Variants in YAE1 observed in about 807,000 individuals in gnomAD.
The protein encoded by YAE1 is YAE1 maturation factor of ABCE1.
In YAE1, 22 loss-of-function variants were observed where a neutral mutation model predicts 23.0. The observed-to-expected ratio is 0.96, with a 90% CI of 0.68 to 1.37. The LOEUF (loss-of-function observed/expected upper bound fraction) is 1.37, where lower values mean the gene tolerates loss of function less well. YAE1 is among the 40% of genes most tolerant of loss of function. The pLI, the probability that YAE1 is intolerant of heterozygous loss-of-function variation, is 0.00. For missense variants in YAE1, 260 were observed against 262.1 expected, an observed-to-expected ratio of 0.99 and a Z score of 0.06; for synonymous variants, 101 against 97.0, an observed-to-expected ratio of 1.04 and a Z score of -0.24.
At chr7:39,609,998 A>C (rs771257041) in exon 3 of YAE1, 8 of 1,513,368 alleles carry the variant, frequency 5.3e-6, no homozygotes, top group Non-Finnish European at 7.1e-6. Flanking sequence ...AGTTGTTCTT[A>C]ATCAGAGGGC....
intron 1 of YAE1, chr7:39,569,283 T>G (rs144633439): frequency 1.1e-5 from 3 of 264,452 alleles, no homozygotes; most frequent in South Asian, 4.9e-5. Flanking sequence ...CTGAATGCTG[T>G]AATATACAAG....
chr7:39,568,304 G>A (rs1790508612), intron 1 of YAE1, among the ~76,000 whole-genome samples: 1 of 151,744 alleles, frequency 6.6e-6, no homozygotes, highest in South Asian at 2.1e-4. Context: ...AAGCATTACA[G>A]ACTGTAAAAT....
intron 2 of YAE1, among the ~76,000 whole-genome samples, chr7:39,597,880 T>C (rs1790999591): frequency 6.6e-6 from 1 of 152,202 alleles, no homozygotes; most frequent in Non-Finnish European, 1.5e-5. Context: ...GCATGTTCTG[T>C]GGAGGAAATT....
intron 2 of YAE1, among the ~76,000 whole-genome samples, chr7:39,595,055 G>A (rs530297850): frequency 6.6e-6 from 1 of 152,130 alleles, no homozygotes; most frequent in East Asian, 1.9e-4. Context: ...TTTTTGAAAG[G>A]AGGACTATGT....
intron 2 of YAE1, among the ~76,000 whole-genome samples, chr7:39,603,213 G>A (rs962510187): frequency 2.0e-5 from 3 of 152,020 alleles, no homozygotes; most frequent in South Asian, 2.1e-4. Context: ...GCAGTGGCGC[G>A]ATCTCGGCTC....
chr7:39,609,690 C>A, exon 3 of YAE1: 1 of 1,535,694 alleles, frequency 6.5e-7, no homozygotes, highest in African/African-American at 1.4e-5. Context: ...GCAACTACTG[C>A]CGCGTCCCCT....
At chr7:39,576,521 T>G (rs887496483), downstream of YAE1, among the ~76,000 whole-genome samples, 8 of 152,358 alleles carry the variant, frequency 5.3e-5, 1 homozygote, top group Non-Finnish European at 1.0e-4. Flanking sequence ...ATGGACACAC[T>G]AGGCTTATTC....
At chr7:39,611,107 C>T (rs1200325787), downstream of YAE1, among the ~76,000 whole-genome samples, 2 of 151,522 alleles carry the variant, frequency 1.3e-5, no homozygotes, top group Admixed American at 6.6e-5. Flanking sequence ...CAGATTGTGC[C>T]ACTGCACTCT....
intron 2 of YAE1, among the ~76,000 whole-genome samples, chr7:39,599,622 A>C (rs1368955298): frequency 6.6e-6 from 1 of 152,100 alleles, no homozygotes; most frequent in Non-Finnish European, 1.5e-5. Flanking sequence ...ATAATTATAG[A>C]ATTATAGTAA....
At chr7:39,594,981 T>G (rs1217312928) in intron 2 of YAE1, among the ~76,000 whole-genome samples, 1 of 152,334 alleles carries the variant, frequency 6.6e-6, no homozygotes, top group East Asian at 1.9e-4. Flanking sequence ...ACCTGATTGC[T>G]CCAGGTTATG....
At chr7:39,572,037 A>G (rs1790575470) in intron 2 of YAE1, among the ~76,000 whole-genome samples, 1 of 152,214 alleles carries the variant, frequency 6.6e-6, no homozygotes, top group South Asian at 2.1e-4. Context: ...AAGCTGTTTA[A>G]TGTCCTTAAA....
chr7:39,569,780 T>C, intron 1 of YAE1: 4 of 761,100 alleles, frequency 5.3e-6, no homozygotes, highest in Non-Finnish European at 9.8e-6. Flanking sequence ...AAACAAACCA[T>C]GATGAAACGG....
downstream of YAE1, among the ~76,000 whole-genome samples, chr7:39,574,457 G>T (rs1038108799): frequency 1.3e-5 from 2 of 152,088 alleles, no homozygotes; most frequent in African/African-American, 4.8e-5. Flanking sequence ...AATCCGCTGG[G>T]TGCAGTGGCT....
intron 2 of YAE1, among the ~76,000 whole-genome samples, chr7:39,578,193 G>C (rs1186269484): frequency 1.3e-5 from 2 of 152,166 alleles, no homozygotes. Flanking sequence ...GCAGCGCTCT[G>C]TGTCTAGCTA....
intron 2 of YAE1, among the ~76,000 whole-genome samples, chr7:39,597,372 C>G (rs1790991288): frequency 6.6e-6 from 1 of 152,022 alleles, no homozygotes; most frequent in African/African-American, 2.4e-5. Flanking sequence ...GAGTTTGAGA[C>G]CAGCCTGGGC....
At chr7:39,585,988 C>G (rs1790808702) in intron 2 of YAE1, among the ~76,000 whole-genome samples, 1 of 151,972 alleles carries the variant, frequency 6.6e-6, no homozygotes, top group Admixed American at 6.6e-5. Context: ...TGGTCCCAGC[C>G]ACTTGGGAAG....
At chr7:39,588,303 G>A (rs1790849780) in intron 2 of YAE1, among the ~76,000 whole-genome samples, 1 of 152,170 alleles carries the variant, frequency 6.6e-6, no homozygotes, top group Non-Finnish European at 1.5e-5. Flanking sequence ...CCTGAGGTCA[G>A]GAGTTCAAGA....
downstream of YAE1, among the ~76,000 whole-genome samples, chr7:39,575,547 A>AGG (rs1456392895): frequency 7.1e-5 from 7 of 97,956 alleles, no homozygotes; most frequent in East Asian, 1.6e-3. Context: ...GGAGAGAGAG[A>AGG]GAGAGAGAGA....
At chr7:39,604,695 CT>C (rs891416164) in intron 2 of YAE1, among the ~76,000 whole-genome samples, 2 of 152,094 alleles carry the variant, frequency 1.3e-5, no homozygotes, top group Non-Finnish European at 2.9e-5. Flanking sequence ...CAACAGAAAA[CT>C]TCTTTCTTTA....
Sources: allele counts gnomAD v4.1 joint callset (sites outside exome capture counted in the v4.1 genomes callset), GRCh38; gene constraint gnomAD v4.1.1; transcripts MANE v1.5; gene names NCBI Gene and HGNC (gene_info 2026-07-23, HGNC 2026-07-21).